AGBL4: variants seen among roughly 807,000 people sequenced by gnomAD.
AGBL4 encodes AGBL carboxypeptidase 4.
A neutral mutation model predicts 66.4 loss-of-function variants in AGBL4; 58 were observed. The ratio of observed to expected loss-of-function variants is 0.87; its 90% CI spans 0.71 to 1.09. The LOEUF (loss-of-function observed/expected upper bound fraction) is 1.09. Ranked by LOEUF, AGBL4 falls within the 50% of genes least tolerant of loss-of-function variation. The probability of loss-of-function intolerance (pLI) is 0.00; values close to 1 mark genes in which losing one functional copy is unlikely to be tolerated. For missense variants in AGBL4, 579 were observed against 631.0 expected, an observed-to-expected ratio of 0.92 and a Z score of 0.88; for synonymous variants, 234 against 222.9, an observed-to-expected ratio of 1.05 and a Z score of -0.44.
At chr1:49,584,465 C>T (rs991515536) in intron 3 of AGBL4, among the ~76,000 whole-genome samples, 3 of 152,196 alleles carry the variant, frequency 2.0e-5, no homozygotes, top group Middle Eastern at 3.4e-3. Flanking sequence ...AGGTATTACA[C>T]GTCATCTTGG....
chr1:49,224,442 C>A lies in AGBL4; in HGVS notation c.377+21328G>T, dbSNP rs531679761. 1.9e-3 allele frequency among the ~76,000 whole-genome samples: 286 copies of A among 151,752 alleles called. 10 individuals are homozygous for A. The South Asian group carries it at 0.059, about 31-fold the overall frequency. ...ACCATCCTGGCTAACACGGTGAAACCCCAACTCTACTAAAAATACAAAAAA... is the reference window on the plus strand; with the variant it reads ...ACCATCCTGGCTAACACGGTGAAACACCAACTCTACTAAAAATACAAAAAA... On this transcript the variant is annotated intron_variant, in intron 4 of 13. Transcript: ENST00000371839.
intron 3 of AGBL4, among the ~76,000 whole-genome samples, chr1:49,603,577 A>G (rs1645006037): frequency 6.6e-6 from 1 of 151,170 alleles, no homozygotes; most frequent in African/African-American, 2.4e-5. Flanking sequence ...TAAATAAACA[A>G]ATAAATAGAA....
chr1:48,574,419 G>T (rs75914892), intron 11 of AGBL4, among the ~76,000 whole-genome samples: 2 of 152,072 alleles, frequency 1.3e-5, no homozygotes, highest in Non-Finnish European at 2.9e-5. Flanking sequence ...TGATGGTTCC[G>T]AATACACTTT....
At chr1:48,634,459 G>T in intron 9 of AGBL4, 34 bp downstream of exon 9, 1 of 1,514,340 alleles carries the variant, frequency 6.6e-7, no homozygotes, top group Non-Finnish European at 9.0e-7. Context: ...TCAAGCCATA[G>T]ATCAGCAGCT....
At chr1:48,924,651 C>A (rs748472646) in intron 5 of AGBL4, among the ~76,000 whole-genome samples, 2 of 152,114 alleles carry the variant, frequency 1.3e-5, no homozygotes, top group Non-Finnish European at 2.9e-5. Flanking sequence ...AATTACCCAA[C>A]AAATAGCTGC....
intron 4 of AGBL4, among the ~76,000 whole-genome samples, chr1:49,130,705 T>G (rs576783019): frequency 1.3e-3 from 197 of 152,220 alleles, no homozygotes; most frequent in Non-Finnish European, 2.1e-3. Context: ...CATGCTGTTT[T>G]GGTTACTGTA....
At chr1:49,973,882 G>T (rs897177465) in intron 1 of AGBL4, among the ~76,000 whole-genome samples, 2 of 151,716 alleles carry the variant, frequency 1.3e-5, no homozygotes, top group Admixed American at 6.6e-5. Context: ...TGGAGGAAGG[G>T]AATAAGAGAT....
At chr1:49,862,520 C>T (rs139464048) in intron 1 of AGBL4, among the ~76,000 whole-genome samples, 136 of 152,076 alleles carry the variant, frequency 8.9e-4, no homozygotes, top group Non-Finnish European at 1.5e-3. Flanking sequence ...AGAAAGATAT[C>T]AATATACAAG....
At chr1:49,031,908 GAATAT>G (rs1305415333) in intron 5 of AGBL4, among the ~76,000 whole-genome samples, 2 of 152,088 alleles carry the variant, frequency 1.3e-5, no homozygotes, top group Non-Finnish European at 2.9e-5. Context: ...AAGAGAAATA[GAATAT>G]ATTACAGAAG....
intron 3 of AGBL4, among the ~76,000 whole-genome samples, chr1:49,508,842 T>G (rs1648934774): frequency 6.6e-6 from 1 of 151,890 alleles, no homozygotes. Flanking sequence ...CTGTGGGGAT[T>G]ATAGCATTGA....
intron 3 of AGBL4, among the ~76,000 whole-genome samples, chr1:49,355,874 T>C (rs980683487): frequency 2.0e-5 from 3 of 152,132 alleles, no homozygotes; most frequent in African/African-American, 7.2e-5. Flanking sequence ...ATTCTCAAAA[T>C]GAAGCAGGTA....
At chr1:49,164,271 T>C (rs745840473) in intron 4 of AGBL4, among the ~76,000 whole-genome samples, 5 of 152,178 alleles carry the variant, frequency 3.3e-5, no homozygotes, top group East Asian at 3.9e-4. Context: ...GACACACTTA[T>C]AGGAAAACTA....
At position 49,797,966 on chromosome 1, in the gene AGBL4, T is replaced by A. The variant is rs567781554; in HGVS notation, c.157+53430A>T. ...TTAGTAGAGATGGGGTTTCACCATG[T>A]TGGCCAGGCTGGTCTCGAACTACAG... On this transcript the variant is annotated intron_variant, in intron 2 of 13. Transcript: ENST00000371839. 9.9e-5 allele frequency among the ~76,000 whole-genome samples: 15 copies of A among 152,240 alleles called. No individual in the cohort carries two copies. In the East Asian group the frequency reaches 2.9e-3, roughly 29 times the overall value.
chr1:49,938,743 A>G (rs1654395046), intron 1 of AGBL4, among the ~76,000 whole-genome samples: 1 of 152,196 alleles, frequency 6.6e-6, no homozygotes, highest in African/African-American at 2.4e-5. Flanking sequence ...AAAGACAAAA[A>G]CCACATGATT....
At chr1:49,665,216 C>G (rs1646339607) in intron 3 of AGBL4, among the ~76,000 whole-genome samples, 1 of 152,138 alleles carries the variant, frequency 6.6e-6, no homozygotes, top group Non-Finnish European at 1.5e-5. Context: ...CCCTACAGCT[C>G]CAACAATCCT....
In AGBL4 at chr1:49,553,552, T is replaced by C. The variant is rs189522294; in HGVS notation, c.282+143761A>G. ...TCCCTAGATATCTAATGTGTCTTCTTGCCACCCTCCAGGACCTCACTGATA... is the reference window on the plus strand; with the variant it reads ...TCCCTAGATATCTAATGTGTCTTCTCGCCACCCTCCAGGACCTCACTGATA... On this transcript the variant is annotated intron_variant, in intron 3 of 13. Transcript: ENST00000371839. Among the ~76,000 whole-genome samples the C allele has an allele frequency of 7.2e-5, 11 of 152,296 alleles. 1 individual carries two copies. The highest frequency in any genetic ancestry group is 2.6e-4 in the African/African-American group (11 of 41,572).
intron 4 of AGBL4, among the ~76,000 whole-genome samples, chr1:49,230,621 C>T (rs1046264107): frequency 1.3e-5 from 2 of 152,042 alleles, no homozygotes; most frequent in African/African-American, 4.8e-5. Context: ...TTCAGTTGCA[C>T]TAAAGAACTC....
intron 3 of AGBL4, among the ~76,000 whole-genome samples, chr1:49,558,327 A>G (rs1353769120): frequency 6.6e-6 from 1 of 151,986 alleles, no homozygotes; most frequent in African/African-American, 2.4e-5. Flanking sequence ...GGATTTTGGG[A>G]TCCCTGATTC....
intron 7 of AGBL4, among the ~76,000 whole-genome samples, chr1:48,658,497 G>A (rs1427622541): frequency 2.0e-5 from 3 of 152,102 alleles, no homozygotes; most frequent in Non-Finnish European, 4.4e-5. Flanking sequence ...TGAGTCCAAG[G>A]GCCTCGAATT....
Sources: gnomAD v4.1 joint callset for allele counts (sites outside exome capture counted in the v4.1 genomes callset) on GRCh38, gnomAD v4.1.1 for gene constraint, MANE v1.5 for transcripts, NCBI Gene and HGNC (gene_info 2026-07-23, HGNC 2026-07-21) for gene names.